CIAO3: variants seen among roughly 807,000 people sequenced by gnomAD.
The protein encoded by CIAO3 is LET1 like/JFP15.
A neutral mutation model predicts 51.5 loss-of-function variants in CIAO3; 45 were observed. The observed-to-expected ratio is 0.87, with a 90% CI of 0.69 to 1.12. The LOEUF is 1.12. CIAO3 is among the 50% of genes most tolerant of loss of function. The pLI, the probability that CIAO3 is intolerant of heterozygous loss-of-function variation, is 0.00. For missense variants in CIAO3, 668 were observed against 632.5 expected (o/e 1.06, Z -0.60); for synonymous variants, 314 against 269.3 (o/e 1.17, Z -1.63).
chr16:737,014 G>A lies in CIAO3; in HGVS notation c.306+172C>T, dbSNP rs886905089. The A allele has an allele frequency of 6.5e-5, 51 of 784,902 alleles. No individual in the cohort carries two copies. Among genetic ancestry groups the A allele is most frequent in the Non-Finnish European group, 8.4e-5 (41 of 489,906 alleles). 48.6% of individuals were successfully genotyped at this position (784,902 alleles called of 1,614,324 possible). Reference sequence around the variant, plus strand: ...GAACCTGAAGTTTGGGGCCTGACACGTTCACCACTGGAGCCCACTGACAAA... The same window carrying A: ...GAACCTGAAGTTTGGGGCCTGACACATTCACCACTGGAGCCCACTGACAAA... On this transcript the variant is annotated intron_variant, in intron 3 of 10. Transcript: ENST00000251588. The surrounding 1 kb of genome is among the most constrained non-coding windows in gnomAD (Gnocchi z 5.3).
At position 739,677 on chromosome 16, in the gene CIAO3, A is replaced by C; in HGVS notation, c.128T>G (p.Ile43Ser). ...TTGGAAGTAGCTCCCGTCATCTTCAATGCGAATCTTGGCCACGCCACTTCC... is the reference window on the plus strand; with the variant it reads ...TTGGAAGTAGCTCCCGTCATCTTCACTGCGAATCTTGGCCACGCCACTTCC... ...RAGSGVAKIR[I>S]EDDGSYFQIN... Residue 43 changes from isoleucine (I) to serine (S), a missense_variant, in exon 2 of 11, where the codon ATT becomes AGT. Transcript: ENST00000251588. The C allele has an allele frequency of 6.2e-7, 1 of 1,614,130 alleles. No homozygotes were observed. Among genetic ancestry groups the C allele is most frequent in the Non-Finnish European group, 8.5e-7 (1 of 1,180,028 alleles).
At position 737,308 on chromosome 16, in the gene CIAO3, C is replaced by T; in HGVS notation, c.184G>A (p.Glu62Lys). ...TCGTTTAGCGAGACCTTGGCCTTCT[C>T]CAGCCTCCGGGTCCCGCCGTCCTAC... is the stretch of plus-strand genomic sequence containing the variant. ...INQDGGTRRL[E>K]KAKVSLNDCL... Residue 62 changes from glutamate to lysine, a missense_variant, in exon 3 of 11, where the codon GAG (glutamate) becomes AAG (lysine). Glu to Lys is a moderately conservative substitution (Grantham distance 56). Coordinates refer to ENST00000251588, the MANE Select transcript of CIAO3 (RefSeq NM_022493.3). This position sits in a 1 kb window ranked among gnomAD's most constrained non-coding sequence, Gnocchi z 5.3. 1 of 1,613,236 alleles carries T rather than the reference C, an allele frequency of 6.2e-7. No homozygotes were observed. The highest frequency in any genetic ancestry group is 8.5e-7 in the Non-Finnish European group (1 of 1,180,008).
intron 2 of CIAO3, chr16:739,238 G>T (rs923320573): frequency 4.9e-5 from 9 of 183,686 alleles, no homozygotes; most frequent in Non-Finnish European, 1.1e-4. Context: ...GGCAGAGCTT[G>T]CAGTGAGCCG....
intron 9 of CIAO3, chr16:731,256 C>T (rs1248752785): frequency 2.1e-5 from 13 of 620,562 alleles, no homozygotes. Flanking sequence ...TCTGTGAGGC[C>T]CTGGCCCTCC....
At chr16:732,234 G>T (rs2041290756) in intron 8 of CIAO3, 67 bp downstream of exon 8, 1 of 1,502,808 alleles carries the variant, frequency 6.7e-7, no homozygotes, top group Non-Finnish European at 9.1e-7. Context: ...CCCAGAGCAG[G>T]GGGATGCTAT....
chr16:735,120 C>T, intron 4 of CIAO3: 2 of 468,634 alleles, frequency 4.3e-6, no homozygotes, highest in South Asian at 7.9e-5. Context: ...TTTCCCACCC[C>T]AGAGGCAGCC....
At chr16:740,677 C>G (rs1645001410) in intron 1 of CIAO3, 1 of 544,338 alleles carries the variant, frequency 1.8e-6, no homozygotes, top group South Asian at 2.2e-5. Flanking sequence ...GCCCGGACAC[C>G]ATGGGGCACA....
In CIAO3 at chr16:729,963, G is replaced by A. The variant is rs1412558798; in HGVS notation, c.*454C>T. On this transcript the variant is annotated 3_prime_UTR_variant, in exon 11 of 11. Coordinates refer to ENST00000251588, the MANE Select transcript of CIAO3 (RefSeq NM_022493.3). ...GGGTCCACACGCAGGGTTGTGGCGG[G>A]ACCACCCCTGCAGGTCCAGCTCTGT... 1 of 340,846 alleles carries A rather than the reference G, an allele frequency of 2.9e-6. No homozygotes were observed. Among genetic ancestry groups the A allele is most frequent in the African/African-American group, 2.2e-5 (1 of 45,836 alleles). The allele number at this position is 340,846 out of a possible 1,614,324, so 21.1% of individuals were successfully genotyped here.
intron 4 of CIAO3, 45 bp downstream of exon 4, chr16:736,221 C>G: frequency 6.2e-7 from 1 of 1,610,088 alleles, no homozygotes; most frequent in Non-Finnish European, 8.5e-7. Flanking sequence ...ACTCAGACGC[C>G]CCCTTGATTT....
chr16:736,518 C>A, intron 3 of CIAO3, 120 bp from the exon 4 acceptor site: 4 of 985,450 alleles, frequency 4.1e-6, no homozygotes, highest in Non-Finnish European at 5.7e-6. Context: ...CATCAAGAGT[C>A]TTTTTTTTTT....
In CIAO3 at chr16:733,663, A is replaced by T. The variant is rs2041307600; in HGVS notation, c.694-236T>A. ...AGTGTGCCTGCGCTCCCTAACAGCCAAGTCCAGCGGAGGAGAAGTGGCCTT... is the reference window on the plus strand; with the variant it reads ...AGTGTGCCTGCGCTCCCTAACAGCCTAGTCCAGCGGAGGAGAAGTGGCCTT... On this transcript the variant is annotated intron_variant, in intron 6 of 10. Coordinates refer to ENST00000251588, the MANE Select transcript of CIAO3 (RefSeq NM_022493.3). The T allele has an allele frequency of 7.3e-6, 4 of 551,088 alleles. No individual in the cohort carries two copies. The East Asian group carries it at 1.4e-4, about 19-fold the overall frequency. The allele number at this position is 551,088 out of a possible 1,614,324, so 34.1% of individuals were successfully genotyped here.
intron 2 of CIAO3, chr16:738,140 T>C (rs1175126786): frequency 5.9e-6 from 6 of 1,010,032 alleles, no homozygotes; most frequent in Non-Finnish European, 7.1e-6. Context: ...CACAGGGTGC[T>C]GGGCAGAGGC....
rs2041270333 is a variant in CIAO3 at position 730,849 on chromosome 16, G to A, written c.1186C>T (p.Pro396Ser). The A allele has an allele frequency of 1.2e-6, 2 of 1,612,676 alleles. No homozygotes were observed. Among genetic ancestry groups the A allele is most frequent in the Admixed American group, 1.7e-5 (1 of 60,016 alleles). The stretch of plus-strand genomic sequence containing the variant: ...TGTCCCTTGCAGGAGCTACCTGAGG[G>A]GCAGGCCATGACCTCCACGTAGTGG... ...PYHYVEVMAC[P>S]SGCLNGGGQL... Residue 396 changes from proline (P) to serine (S), a missense_variant, in exon 10 of 11, where the codon CCC becomes TCC. Pro to Ser is a moderately conservative substitution (Grantham distance 74). Coordinates refer to ENST00000251588, the MANE Select transcript of CIAO3 (RefSeq NM_022493.3).
intron 2 of CIAO3, among the ~76,000 whole-genome samples, chr16:738,681 T>G (rs2151604371): frequency 6.6e-6 from 1 of 150,788 alleles, no homozygotes; most frequent in Admixed American, 6.6e-5. Flanking sequence ...AGATGGAGTC[T>G]CTGTCTCTCA....
In CIAO3 at chr16:734,224, G is replaced by A. The variant is rs772562676; in HGVS notation, c.693+5C>T. ...CTGAGTCTGGGGCTGGCCCAACGCC[G>A]TTACCTGCTGCTGGGCGAAGAAGTC... On this transcript the variant is annotated splice_donor_5th_base_variant and intron_variant, in intron 6 of 10. Coordinates refer to ENST00000251588, the MANE Select transcript of CIAO3 (RefSeq NM_022493.3). 2.0e-5 allele frequency: 32 copies of A among 1,609,928 alleles called. No individual in the cohort carries two copies. Among genetic ancestry groups the A allele is most frequent in the Middle Eastern group, 3.3e-4 (2 of 6,080 alleles).
intron 4 of CIAO3, 50 bp from the exon 5 acceptor site, chr16:734,921 C>T (rs751166230): frequency 2.4e-5 from 36 of 1,495,804 alleles, no homozygotes; most frequent in East Asian, 9.3e-5. Flanking sequence ...GACGCCCACA[C>T]GAGCACACGC....
intron 5 of CIAO3, 141 bp downstream of exon 5, chr16:734,596 T>C: frequency 6.9e-7 from 1 of 1,455,556 alleles, no homozygotes; most frequent in Non-Finnish European, 9.6e-7. Context: ...AGGCCATTTG[T>C]GCCAACATTT....
intron 4 of CIAO3, 173 bp from the exon 5 acceptor site, chr16:735,044 C>T: frequency 1.1e-6 from 1 of 893,708 alleles, no homozygotes; most frequent in South Asian, 2.1e-5. Flanking sequence ...GCCAAAGCCC[C>T]AGCCCCACTG....
chr16:737,633 C>A lies in CIAO3; in HGVS notation c.163-304G>T, dbSNP rs751395971. ...CCCCACTCACCCATGGGGCCCTGGA[C>A]GGGGTGCTGGCCCCGGTGCACACTC... On this transcript the variant is annotated intron_variant, in intron 2 of 10. Coordinates refer to ENST00000251588, the MANE Select transcript of CIAO3 (RefSeq NM_022493.3). The surrounding 1 kb of genome is among the most constrained non-coding windows in gnomAD (Gnocchi z 5.3). 3 of 1,366,846 alleles carry A rather than the reference C, an allele frequency of 2.2e-6. No homozygotes were observed. Among genetic ancestry groups the A allele is most frequent in the Non-Finnish European group, 2.9e-6 (3 of 1,040,074 alleles). The allele number at this position is 1,366,846 out of a possible 1,614,324, so 84.7% of individuals were successfully genotyped here.
Sources: allele counts gnomAD v4.1 joint callset (sites outside exome capture counted in the v4.1 genomes callset), GRCh38; gene constraint gnomAD v4.1.1; non-coding constraint Gnocchi (gnomAD v3.1); transcripts MANE v1.5; gene names NCBI Gene and HGNC (gene_info 2026-07-23, HGNC 2026-07-21).